The following CUBN variants were observed in gnomAD, a reference collection of about 807,000 sequenced individuals.
CUBN encodes the protein cubilin.
In CUBN, 282 loss-of-function variants were observed where a neutral mutation model predicts 405.3. The ratio of observed to expected loss-of-function variants is 0.70; its 90% CI spans 0.63 to 0.77. The LOEUF (loss-of-function observed/expected upper bound fraction) is 0.77, where lower values mean the gene tolerates loss of function less well. Ranked by LOEUF, CUBN falls within the 30% of genes least tolerant of loss-of-function variation. The pLI is 0.00. For missense variants in CUBN, 4,514 were observed against 4,475.2 expected, an observed-to-expected ratio of 1.01 and a Z score of -0.25; for synonymous variants, 1,684 against 1,617.0, an observed-to-expected ratio of 1.04 and a Z score of -0.99.
Position 16,954,474 on chromosome 10 carries a change from G to T in CUBN, c.4770C>A (p.Ile1590=), listed in dbSNP as rs529907907. The change falls in exon 32 of 67, where the codon ATC becomes ATA. Residue 1590 remains isoleucine (I), a synonymous_variant. Transcript: ENST00000377833. ...AGAAGAGGCTGTTTCCTGAGGAGAC[G>T]ATGGGGTTAGCCAGCTGCTCCCTTC... ...TCGREQLANP[I]VSSGNSLFLR... 6.2e-7 allele frequency: 1 copy of T among 1,613,938 alleles called. No individual in the cohort carries two copies. The highest frequency in any genetic ancestry group is 1.3e-5 in the African/African-American group (1 of 74,904).
intron 17 of CUBN, among the ~76,000 whole-genome samples, chr10:17,082,144 A>AT (rs957461925): frequency 4.6e-5 from 7 of 152,016 alleles, no homozygotes; most frequent in South Asian, 2.1e-4. Flanking sequence ...CATTTGCATT[A>AT]TTTTTTTTAA....
chr10:17,017,337 T>C (rs1564480577), intron 28 of CUBN, among the ~76,000 whole-genome samples: 1 of 152,136 alleles, frequency 6.6e-6, no homozygotes, highest in East Asian at 1.9e-4. Context: ...CCTGCACCCT[T>C]GCCTGTCCTC....
rs1838721855 is a variant in CUBN at position 16,824,692 on chromosome 10, T to A, written c.*283A>T. On this transcript the variant is annotated 3_prime_UTR_variant, in exon 67 of 67. Coordinates refer to ENST00000377833, the MANE Select transcript of CUBN (RefSeq NM_001081.4). ...CCCACCACCACGCCTGGCTAATTAT[T>A]ATATTGTTAGAGAGATGAGGTTTCA... 5.5e-6 allele frequency: 2 copies of A among 366,436 alleles called. No individual in the cohort carries two copies. Among genetic ancestry groups the A allele is most frequent in the South Asian group, 4.2e-5 (2 of 47,260 alleles). 22.7% of individuals were successfully genotyped at this position (366,436 alleles called of 1,614,324 possible).
At chr10:16,969,406 G>A (rs1843490501) in intron 31 of CUBN, among the ~76,000 whole-genome samples, 1 of 151,798 alleles carries the variant, frequency 6.6e-6, no homozygotes, top group East Asian at 1.9e-4. Flanking sequence ...CCAGGCTGGA[G>A]TGCAGTGGCA....
At position 17,109,647 on chromosome 10, in the gene CUBN, T is replaced by C; in HGVS notation, c.1104A>G (p.Ser368=). Residue 368 remains serine (S), a synonymous_variant, in exon 10 of 67, where the codon TCA becomes TCG. Coordinates refer to ENST00000377833, the MANE Select transcript of CUBN (RefSeq NM_001081.4). The stretch of plus-strand genomic sequence containing the variant: ...AGAGAGATGAGTCATTACCTAGAGT[T>C]GAGGAGCATGAGGCATCTGGGTGGC... ...GGCHPDASCS[S]TLGSLPLCTC... 1.9e-6 allele frequency: 3 copies of C among 1,613,518 alleles called. No homozygotes were observed. The highest frequency in any genetic ancestry group is 2.5e-6 in the Non-Finnish European group (3 of 1,179,532).
At chr10:17,103,684 A>C (rs554955407) in intron 12 of CUBN, among the ~76,000 whole-genome samples, 1 of 152,348 alleles carries the variant, frequency 6.6e-6, no homozygotes, top group African/African-American at 2.4e-5. Flanking sequence ...ATATAACAAC[A>C]ACCTCTCAAT....
rs756482763 is a variant in CUBN at position 16,869,598 on chromosome 10, A to G, written c.9454+38T>C. ...AAATTAAATAAAGCAGAAAGGTAACAGTCCTGACAAATAGATTTACAAGTC... is the reference window on the plus strand; with the variant it reads ...AAATTAAATAAAGCAGAAAGGTAACGGTCCTGACAAATAGATTTACAAGTC... On this transcript the variant is annotated intron_variant, in intron 59 of 66. Coordinates refer to ENST00000377833, the MANE Select transcript of CUBN (RefSeq NM_001081.4). 2.0e-5 allele frequency: 28 copies of G among 1,392,746 alleles called. No individual in the cohort carries two copies. The South Asian group carries it at 3.0e-4, about 15-fold the overall frequency. 86.3% of individuals were successfully genotyped at this position (1,392,746 alleles called of 1,614,324 possible). A position where few individuals can be genotyped will look rare whatever the true frequency, so the allele number is the denominator to read the frequency against.
intron 64 of CUBN, among the ~76,000 whole-genome samples, chr10:16,833,036 G>A (rs1480951376): frequency 1.3e-5 from 2 of 152,142 alleles, no homozygotes; most frequent in Admixed American, 1.3e-4. Context: ...CAGCTAGGAG[G>A]AGGAATTCTC....
At chr10:16,905,391 G>A (rs1184296587) in intron 50 of CUBN, among the ~76,000 whole-genome samples, 5 of 152,108 alleles carry the variant, frequency 3.3e-5, no homozygotes, top group Admixed American at 3.3e-4. Flanking sequence ...TTTCCATCAC[G>A]AAAACCAAGA....
Position 17,122,547 on chromosome 10 carries a change from C to T in CUBN, c.593+248G>A, listed in dbSNP as rs549927359. 2.0e-5 allele frequency: 11 copies of T among 550,912 alleles called. No homozygotes were observed. The Admixed American group carries it at 2.1e-4, about 10-fold the overall frequency. The allele number at this position is 550,912 out of a possible 1,614,324, so 34.1% of individuals were successfully genotyped here. A position where few individuals can be genotyped will look rare whatever the true frequency, so the allele number is the denominator to read the frequency against. ...TTACTCTCTGTGCCAATCACGGGAG[C>T]CTTCTTCCGGTTCCTTGGGGATGTT... is the stretch of plus-strand genomic sequence containing the variant. On this transcript the variant is annotated intron_variant, in intron 6 of 66. Coordinates refer to ENST00000377833, the MANE Select transcript of CUBN (RefSeq NM_001081.4).
At chr10:17,098,157 A>G (rs1015852852) in intron 14 of CUBN, among the ~76,000 whole-genome samples, 1 of 152,044 alleles carries the variant, frequency 6.6e-6, no homozygotes, top group Non-Finnish European at 1.5e-5. Context: ...GCCTAGTTGA[A>G]CTCTCATTGA....
intron 27 of CUBN, among the ~76,000 whole-genome samples, chr10:17,037,654 G>C (rs1476379906): frequency 6.6e-6 from 1 of 152,222 alleles, no homozygotes. Flanking sequence ...ATGCAAAGGA[G>C]TGTGTCCCAC....
At chr10:16,864,399 G>A (rs1281431733) in intron 59 of CUBN, among the ~76,000 whole-genome samples, 2 of 152,100 alleles carry the variant, frequency 1.3e-5, no homozygotes, top group East Asian at 1.9e-4. Flanking sequence ...TGGGCGGGGG[G>A]CTTGAAAATT....
At chr10:17,099,908 T>A in intron 14 of CUBN, 97 bp downstream of exon 14, 1 of 749,612 alleles carries the variant, frequency 1.3e-6, no homozygotes, top group East Asian at 2.5e-5. Flanking sequence ...TATCTTCAGA[T>A]CCCAAAACAT....
At chr10:16,883,352 C>T (rs1180134805) in intron 56 of CUBN, among the ~76,000 whole-genome samples, 1 of 152,146 alleles carries the variant, frequency 6.6e-6, no homozygotes, top group Admixed American at 6.5e-5. Flanking sequence ...GAAACTACAC[C>T]ATCTGCTCCA....
chr10:17,113,676 A>G (rs1273784926), intron 8 of CUBN, among the ~76,000 whole-genome samples: 4 of 152,224 alleles, frequency 2.6e-5, no homozygotes, highest in Non-Finnish European at 5.9e-5. Context: ...AAAGAGGTCA[A>G]ATAATTTCCC....
At chr10:16,932,895 G>A (rs1410311804) in intron 40 of CUBN, among the ~76,000 whole-genome samples, 192 bp downstream of exon 40, 2 of 152,020 alleles carry the variant, frequency 1.3e-5, no homozygotes. Context: ...CTGATATTCT[G>A]TGACCGGTAA....
At chr10:16,912,994 G>C (rs1405126530) in intron 48 of CUBN, among the ~76,000 whole-genome samples, 1 of 152,152 alleles carries the variant, frequency 6.6e-6, no homozygotes, top group East Asian at 1.9e-4. Context: ...GTGAACGGTG[G>C]GGGTATTAGT....
intron 22 of CUBN, among the ~76,000 whole-genome samples, chr10:17,060,554 G>A (rs1835483101): frequency 6.6e-6 from 1 of 152,174 alleles, no homozygotes; most frequent in Admixed American, 6.5e-5. Context: ...CAAGATAAAC[G>A]AACTGAGCAG....
Sources: gnomAD v4.1 joint callset for allele counts (sites outside exome capture counted in the v4.1 genomes callset) on GRCh38, gnomAD v4.1.1 for gene constraint, MANE v1.5 for transcripts, NCBI Gene and HGNC (gene_info 2026-07-23, HGNC 2026-07-21) for gene names.